The following DUSP13B variants were observed in gnomAD, a reference collection of about 807,000 sequenced individuals.
DUSP13B encodes dual specificity protein phosphatase 13B.
the DUSP13B span, chr10:75,099,214 G>A: frequency 1.6e-6 from 2 of 1,232,062 alleles, no homozygotes; most frequent in Admixed American, 4.2e-5. Context: ...TGATCCCCTG[G>A]ACCAGTGACT....
chr10:75,108,351 A>G, the DUSP13B span: 5 of 1,413,938 alleles, frequency 3.5e-6, no homozygotes, highest in Non-Finnish European at 4.6e-6. Flanking sequence ...GTGGGGTCTG[A>G]CTCCACAGCC....
chr10:75,106,674 G>T, the DUSP13B span, among the ~76,000 whole-genome samples: 1 of 152,148 alleles, frequency 6.6e-6, no homozygotes, highest in Non-Finnish European at 1.5e-5. Context: ...TATACTATTC[G>T]CAATTTGGCT....
chr10:75,104,128 C>A, the DUSP13B span: 1 of 1,310,072 alleles, frequency 7.6e-7, no homozygotes, highest in Non-Finnish European at 1.0e-6. Context: ...GTGTTACAGG[C>A]AGGTGAACCA....
chr10:75,106,552 G>A, the DUSP13B span, among the ~76,000 whole-genome samples: 7 of 152,052 alleles, frequency 4.6e-5, no homozygotes, highest in African/African-American at 1.7e-4. Flanking sequence ...ATTACCCATG[G>A]ATACCTTTGT....
At chr10:75,100,659 G>A in the DUSP13B span, among the ~76,000 whole-genome samples, 1 of 152,126 alleles carries the variant, frequency 6.6e-6, no homozygotes. Context: ...CCCTGATCCC[G>A]TGCTCCTCCT....
At chr10:75,105,738 G>A in the DUSP13B span, 2 of 1,554,648 alleles carry the variant, frequency 1.3e-6, no homozygotes, top group Non-Finnish European at 1.7e-6. Flanking sequence ...CTCGGTTGGG[G>A]AAGACCCATC....
the DUSP13B span, among the ~76,000 whole-genome samples, chr10:75,098,869 G>A: frequency 4.1e-4 from 62 of 152,278 alleles, no homozygotes; most frequent in African/African-American, 1.4e-3. Context: ...AAAGCCATAC[G>A]GCTCATGAGT....
the DUSP13B span, among the ~76,000 whole-genome samples, chr10:75,102,876 C>T: frequency 0.085 from 12,931 of 152,134 alleles, 768 homozygotes; most frequent in Middle Eastern, 0.14. Flanking sequence ...CATTTGAACC[C>T]GGGAGGTGGG....
At chr10:75,100,465 G>A in the DUSP13B span, among the ~76,000 whole-genome samples, 1 of 152,188 alleles carries the variant, frequency 6.6e-6, no homozygotes, top group Non-Finnish European at 1.5e-5. Flanking sequence ...TCCCAAGGAG[G>A]GGAAGTCGGT....
chr10:75,107,992 C>A, the DUSP13B span: 3 of 1,610,754 alleles, frequency 1.9e-6, no homozygotes, highest in South Asian at 3.3e-5. Context: ...CAAGTCCTAC[C>A]CCCAGGCGTG....
the DUSP13B span, chr10:75,108,384 T>G: frequency 8.0e-7 from 1 of 1,243,582 alleles, no homozygotes; most frequent in African/African-American, 1.5e-5. Context: ...CCCCGCACTT[T>G]CTGGTGGCTG....
the DUSP13B span, among the ~76,000 whole-genome samples, chr10:75,106,853 G>A: frequency 6.6e-6 from 1 of 152,234 alleles, no homozygotes; most frequent in Non-Finnish European, 1.5e-5. Context: ...AGTCATGTGA[G>A]CTGTAATCTT....
the DUSP13B span, among the ~76,000 whole-genome samples, chr10:75,108,760 G>A: frequency 6.6e-6 from 1 of 152,114 alleles, no homozygotes; most frequent in Non-Finnish European, 1.5e-5. Context: ...AGTTGTCCTG[G>A]AAATGTTTCC....
the DUSP13B span, chr10:75,094,953 T>C: frequency 1.1e-4 from 145 of 1,323,042 alleles, no homozygotes; most frequent in African/African-American, 1.8e-3. Flanking sequence ...GAGACACCCA[T>C]GGCCATCCTC....
chr10:75,094,798 T>C, the DUSP13B span: 1 of 1,614,064 alleles, frequency 6.2e-7, no homozygotes, highest in Non-Finnish European at 8.5e-7. Flanking sequence ...ACCAGCGTCA[T>C]GTTCTCACAG....
At chr10:75,100,774 T>C in the DUSP13B span, among the ~76,000 whole-genome samples, 1 of 152,252 alleles carries the variant, frequency 6.6e-6, no homozygotes, top group Non-Finnish European at 1.5e-5. Context: ...ATGCACTTCT[T>C]TTCTGTGTTT....
chr10:75,108,986 C>A, the DUSP13B span: 1 of 1,583,708 alleles, frequency 6.3e-7, no homozygotes, highest in South Asian at 1.2e-5. Context: ...CACCCCCATG[C>A]CCCTTGGCCA....
the DUSP13B span, among the ~76,000 whole-genome samples, chr10:75,106,181 A>G: frequency 6.9e-6 from 1 of 144,104 alleles, no homozygotes; most frequent in East Asian, 2.0e-4. Flanking sequence ...AACTTAAGTG[A>G]TTCTCCCACC....
At chr10:75,094,691 C>G in the DUSP13B span, 1 of 1,614,044 alleles carries the variant, frequency 6.2e-7, no homozygotes, top group Non-Finnish European at 8.5e-7. Context: ...ACCGCCCCGT[C>G]TCCCGCCCCA....
Sources: gnomAD v4.1 joint callset for allele counts (sites outside exome capture counted in the v4.1 genomes callset) on GRCh38, gnomAD v4.1.1 for gene constraint, MANE v1.5 for transcripts, NCBI Gene and HGNC (gene_info 2026-07-23, HGNC 2026-07-21) for gene names.